PSORS1C1: variants seen among roughly 807,000 people sequenced by gnomAD.
PSORS1C1 encodes the protein psoriasis susceptibility 1 candidate gene 1 protein.
Under a neutral mutation model 9.4 loss-of-function variants are expected in PSORS1C1, and 7 were observed. That is an observed-to-expected ratio of 0.75 (90% CI 0.42 to 1.40). PSORS1C1 has a LOEUF of 1.40. Ranked by LOEUF, PSORS1C1 falls within the 40% of genes most tolerant of loss-of-function variation. PSORS1C1 has a pLI of 0.01. For synonymous variants in PSORS1C1, 63 were observed against 69.4 expected, an observed-to-expected ratio of 0.91 and a Z score of 0.46; for missense variants, 146 against 178.1, an observed-to-expected ratio of 0.82 and a Z score of 1.02.
intron 3 of PSORS1C1, chr6:31,138,122 T>A: frequency 6.2e-7 from 1 of 1,605,018 alleles, no homozygotes. Flanking sequence ...GGAGCCAGAC[T>A]CCAGTTTCAG....
chr6:31,117,924 G>A (rs3094213), intron 1 of PSORS1C1: 78,829 of 201,872 alleles, frequency 0.39, 16,672 homozygotes, highest in African/African-American at 0.57. Flanking sequence ...CATAGACCCC[G>A]TCTGTATTTT....
At chr6:31,131,255 C>T (rs914406342) in intron 3 of PSORS1C1, among the ~76,000 whole-genome samples, 1 of 151,930 alleles carries the variant, frequency 6.6e-6, no homozygotes, top group Non-Finnish European at 1.5e-5. Flanking sequence ...GTGTGCATGA[C>T]GGCCCAGGCA....
At chr6:31,122,859 G>C (rs1272424862) in intron 1 of PSORS1C1, among the ~76,000 whole-genome samples, 1 of 152,094 alleles carries the variant, frequency 6.6e-6, no homozygotes, top group Non-Finnish European at 1.5e-5. Context: ...TGGCTCCCTG[G>C]AGGACCTGGG....
Position 31,115,135 on chromosome 6 carries a change from G to C in PSORS1C1, c.-229+244G>C, listed in dbSNP as rs1772036305. On this transcript the variant is annotated intron_variant, in intron 1 of 5. Coordinates refer to ENST00000259881, the MANE Select transcript of PSORS1C1 (RefSeq NM_014068.3). This position sits in a 1 kb window ranked among gnomAD's most constrained non-coding sequence, Gnocchi z 4.2. ...ATTGTCTTCCTCCTCTGTGGGAGCA[G>C]CTGGAAGGTAGAAGAGAAACACAGC... 1 of 342,284 alleles carries C rather than the reference G, an allele frequency of 2.9e-6. No homozygotes were observed. 21.2% of individuals were successfully genotyped at this position (342,284 alleles called of 1,614,324 possible). A position where few individuals can be genotyped will look rare whatever the true frequency, so the allele number is the denominator to read the frequency against.
chr6:31,134,863 CTG>C lies in PSORS1C1; in HGVS notation c.14-3566_14-3565del, dbSNP rs566302449. On this transcript the variant is annotated intron_variant, in intron 3 of 5. Coordinates refer to ENST00000259881, the MANE Select transcript of PSORS1C1 (RefSeq NM_014068.3). ...ACACGGTCTCACTCTGTTGCCCAGA[CTG>C]GAGTGCAGTGGTGCCATCTTGGCTC... 1.3e-4 allele frequency among the ~76,000 whole-genome samples: 20 copies of C among 152,254 alleles called. No homozygotes were observed. The East Asian group carries it at 3.9e-3, about 29-fold the overall frequency.
At chr6:31,133,766 A>G (rs1298770528) in intron 3 of PSORS1C1, 2 of 152,168 alleles carry the variant, frequency 1.3e-5, no homozygotes, top group Admixed American at 6.5e-5. Flanking sequence ...GAAACTACAT[A>G]TTTTTATTAT....
rs1772648433 is a variant in PSORS1C1 at position 31,125,673 on chromosome 6, T to C, written c.-228-3T>C. ...CCTCACTTCTGTGGCTTCTTTCCTG[T>C]AGTAGACGATCAAGGGTGGAATCTA... On this transcript the variant is annotated splice_region_variant and splice_polypyrimidine_tract_variant and intron_variant, in intron 1 of 5. Coordinates refer to ENST00000259881, the MANE Select transcript of PSORS1C1 (RefSeq NM_014068.3). 3 of 152,290 alleles carry C rather than the reference T, an allele frequency of 2.0e-5. No homozygotes were observed. The highest frequency in any genetic ancestry group is 2.0e-4 in the Admixed American group (3 of 15,288). 9.4% of individuals were successfully genotyped at this position (152,290 alleles called of 1,614,324 possible). A position where few individuals can be genotyped will look rare whatever the true frequency, so the allele number is the denominator to read the frequency against.
At position 31,120,298 on chromosome 6, in the gene PSORS1C1, C is replaced by T. The variant is rs60288486; in HGVS notation, c.-228-5378C>T. 4.5e-3 allele frequency: 6,665 copies of T among 1,487,704 alleles called. 83 individuals carry two copies. Among genetic ancestry groups the T allele is most frequent in the East Asian group, 0.042 (1,749 of 41,194 alleles). The allele number at this position is 1,487,704 out of a possible 1,614,324, so 92.2% of individuals were successfully genotyped here. Reference sequence around the variant, plus strand: ...GGGTCCTCTCCCGGAGTCTCCCTCCCGCCTCCCTCCTGTTCCCAGGGCCCC... The same window carrying T: ...GGGTCCTCTCCCGGAGTCTCCCTCCTGCCTCCCTCCTGTTCCCAGGGCCCC... On this transcript the variant is annotated intron_variant, in intron 1 of 5. Transcript: ENST00000259881.
chr6:31,138,053 T>C, intron 3 of PSORS1C1: 2 of 1,537,040 alleles, frequency 1.3e-6, no homozygotes, highest in Non-Finnish European at 8.7e-7. Context: ...GCTGGGGTCC[T>C]GCCGGCCAAG....
chr6:31,130,404 T>G (rs1772855178), intron 3 of PSORS1C1, among the ~76,000 whole-genome samples: 1 of 123,414 alleles, frequency 8.1e-6, no homozygotes, highest in Non-Finnish European at 1.7e-5. Context: ...TACCATGGCC[T>G]GGCTAATTGT....
chr6:31,130,340 C>T (rs1185667248), intron 3 of PSORS1C1, among the ~76,000 whole-genome samples: 1 of 151,740 alleles, frequency 6.6e-6, no homozygotes, highest in South Asian at 2.1e-4. Flanking sequence ...CCAGCTTCAA[C>T]CTCTCATGCT....
At position 31,138,454 on chromosome 6, in the gene PSORS1C1, C is replaced by T; in HGVS notation, c.38C>T (p.Ala13Val). The change falls in exon 4 of 6, where the codon GCT (alanine) becomes GTT (valine). Residue 13 changes from alanine to valine, a missense_variant. Physicochemically the swap from Ala to Val is moderately conservative, Grantham distance 64. Transcript: ENST00000259881. ...CTDQKSHSQR[A>V]LGTQTPALQG... ...GACCAAAAAAGTCACTCTCAAAGAG[C>T]TCTCGGTAGGTTTGTAAATACTTAA... is the stretch of plus-strand genomic sequence containing the variant. The T allele has an allele frequency of 6.2e-7, 1 of 1,612,624 alleles. No homozygotes were observed. Among genetic ancestry groups the T allele is most frequent in the Non-Finnish European group, 8.5e-7 (1 of 1,179,886 alleles).
chr6:31,131,336 G>A (rs62400601), intron 3 of PSORS1C1, among the ~76,000 whole-genome samples: 5,809 of 152,040 alleles, frequency 0.038, 149 homozygotes, highest in East Asian at 0.066. Flanking sequence ...GCTTATGCTT[G>A]TAATCCCAGC....
At chr6:31,129,967 G>C (rs1310707306) in intron 3 of PSORS1C1, among the ~76,000 whole-genome samples, 1 of 152,112 alleles carries the variant, frequency 6.6e-6, no homozygotes, top group Non-Finnish European at 1.5e-5. Context: ...GCACATGCCT[G>C]TGGTCCCAGC....
intron 2 of PSORS1C1, among the ~76,000 whole-genome samples, chr6:31,127,552 G>C (rs1191751192): frequency 1.4e-5 from 1 of 70,588 alleles, no homozygotes; most frequent in Non-Finnish European, 3.1e-5. Context: ...AATGACCCTA[G>C]GAGACAGGAA....
At chr6:31,137,968 G>T (rs780139482) in intron 3 of PSORS1C1, 2 of 1,496,870 alleles carry the variant, frequency 1.3e-6, no homozygotes, top group Non-Finnish European at 1.8e-6. Context: ...TACTCTTCCC[G>T]GGGTGGGTCT....
chr6:31,131,252 T>C (rs1172859632), intron 3 of PSORS1C1, among the ~76,000 whole-genome samples: 1 of 152,078 alleles, frequency 6.6e-6, no homozygotes. Context: ...TAAGTGTGCA[T>C]GACGGCCCAG....
intron 2 of PSORS1C1, among the ~76,000 whole-genome samples, chr6:31,127,574 ATT>A (rs1772735398): frequency 6.7e-6 from 1 of 148,644 alleles, no homozygotes; most frequent in African/African-American, 2.5e-5. Context: ...TATTATTATT[ATT>A]ATTATTATTA....
intron 1 of PSORS1C1, chr6:31,120,203 G>C: frequency 1.4e-6 from 1 of 698,328 alleles, no homozygotes; most frequent in Non-Finnish European, 2.5e-6. Context: ...TACCTGAGGC[G>C]ACCATACAGT....
Sources: gnomAD v4.1 joint callset for allele counts (sites outside exome capture counted in the v4.1 genomes callset) on GRCh38, gnomAD v4.1.1 for gene constraint, Gnocchi (gnomAD v3.1) non-coding constraint, MANE v1.5 for transcripts, NCBI Gene and HGNC (gene_info 2026-07-23, HGNC 2026-07-21) for gene names.